The following NTRK2 variants were observed in gnomAD, a reference collection of about 807,000 sequenced individuals.
NTRK2 encodes the protein neurotrophic receptor tyrosine kinase 2.
A neutral mutation model predicts 94.5 loss-of-function variants in NTRK2; 13 were observed. The observed-to-expected ratio is 0.14, with a 90% CI of 0.09 to 0.22. The LOEUF is 0.22. Among genes scored for constraint, NTRK2 ranks in the 10% least tolerant of loss-of-function variants. The probability of loss-of-function intolerance (pLI) is 1.00; values close to 1 mark genes in which losing one functional copy is unlikely to be tolerated. For missense variants in NTRK2, 639 were observed against 1,071.2 expected (o/e 0.60, Z 5.63); for synonymous variants, 372 against 407.4 (o/e 0.91, Z 1.05).
At chr9:84,675,352 G>A (rs1205775972) in intron 2 of NTRK2, among the ~76,000 whole-genome samples, 1 of 30,434 alleles carries the variant, frequency 3.3e-5, no homozygotes. Context: ...TTTTTTTTTT[G>A]CCTTGAGTGT....
At chr9:84,995,797 G>A (rs533755038) in intron 17 of NTRK2, among the ~76,000 whole-genome samples, 1 of 152,300 alleles carries the variant, frequency 6.6e-6, no homozygotes, top group Admixed American at 6.5e-5. Context: ...CTCGAGGTCA[G>A]GTCCAAATTT....
chr9:84,865,778 C>T (rs1397136285), intron 13 of NTRK2, among the ~76,000 whole-genome samples: 1 of 152,188 alleles, frequency 6.6e-6, no homozygotes, highest in Non-Finnish European at 1.5e-5. Context: ...GGGCTTGTGC[C>T]AGTAGTCGGG....
chr9:84,900,066 C>G (rs894592543), intron 14 of NTRK2, among the ~76,000 whole-genome samples: 12 of 152,142 alleles, frequency 7.9e-5, no homozygotes, highest in African/African-American at 2.9e-4. Context: ...GTAAAAGGAA[C>G]ATGGCATAGG....
At chr9:84,685,831 A>G (rs2059677590) in intron 2 of NTRK2, among the ~76,000 whole-genome samples, 1 of 152,234 alleles carries the variant, frequency 6.6e-6, no homozygotes, top group Non-Finnish European at 1.5e-5. Context: ...CCTGTGTTTC[A>G]CATCGCAGCG....
At chr9:84,683,284 A>G (rs1221450706) in intron 2 of NTRK2, among the ~76,000 whole-genome samples, 1 of 152,040 alleles carries the variant, frequency 6.6e-6, no homozygotes, top group African/African-American at 2.4e-5. Context: ...TCAACCTGTC[A>G]TCTAGGCTTT....
chr9:84,747,761 A>G (rs2064222223), intron 11 of NTRK2, among the ~76,000 whole-genome samples: 1 of 152,126 alleles, frequency 6.6e-6, no homozygotes, highest in Admixed American at 6.5e-5. Flanking sequence ...GATTACAGGC[A>G]TGAGCCACCG....
chr9:84,950,433 A>G (rs541291961), intron 16 of NTRK2, among the ~76,000 whole-genome samples: 1 of 152,178 alleles, frequency 6.6e-6, no homozygotes, highest in Non-Finnish European at 1.5e-5. Context: ...AAGAGTAAGA[A>G]GTCCCAGTAG....
chr9:84,924,294 A>G (rs1248724852), intron 14 of NTRK2, among the ~76,000 whole-genome samples: 2 of 147,608 alleles, frequency 1.4e-5, no homozygotes, highest in African/African-American at 5.0e-5. Flanking sequence ...AAAGAAAGAA[A>G]GAGGAAAAAA....
chr9:84,871,040 T>C (rs1351496430), intron 14 of NTRK2, among the ~76,000 whole-genome samples: 6 of 152,204 alleles, frequency 3.9e-5, no homozygotes, highest in African/African-American at 7.2e-5. Flanking sequence ...TATAACACTC[T>C]TTTAATACTA....
At chr9:84,889,188 C>T (rs367813647) in intron 14 of NTRK2, among the ~76,000 whole-genome samples, 13 of 149,236 alleles carry the variant, frequency 8.7e-5, no homozygotes, top group African/African-American at 3.2e-4. Flanking sequence ...GACGGGGTTT[C>T]ACCGTGTTAG....
At chr9:84,820,327 G>A (rs998379063) in intron 12 of NTRK2, among the ~76,000 whole-genome samples, 14 of 151,808 alleles carry the variant, frequency 9.2e-5, no homozygotes, top group South Asian at 2.1e-4. Flanking sequence ...GCACCACCAC[G>A]CCTAGCTAAT....
chr9:84,846,896 A>G (rs2074501485), intron 12 of NTRK2, among the ~76,000 whole-genome samples: 1 of 152,230 alleles, frequency 6.6e-6, no homozygotes. Context: ...ATTTCTTCAT[A>G]GGCATGGGCT....
chr9:84,832,981 T>C (rs1328118321), intron 12 of NTRK2, among the ~76,000 whole-genome samples: 1 of 152,128 alleles, frequency 6.6e-6, no homozygotes, highest in Non-Finnish European at 1.5e-5. Flanking sequence ...AAGGCCGTGC[T>C]GGGCTGAGTG....
At chr9:84,944,294 G>C (rs921204728) in intron 15 of NTRK2, among the ~76,000 whole-genome samples, 1 of 128,724 alleles carries the variant, frequency 7.8e-6, no homozygotes, top group African/African-American at 3.0e-5. Context: ...ACGGAGTCTC[G>C]CTCTGTTGCC....
At chr9:84,673,052 G>C (rs1345854423) in intron 2 of NTRK2, among the ~76,000 whole-genome samples, 1 of 152,196 alleles carries the variant, frequency 6.6e-6, no homozygotes, top group Non-Finnish European at 1.5e-5. Flanking sequence ...GTTGAGAACA[G>C]GGAATTAGGT....
chr9:84,874,047 G>A, intron 14 of NTRK2: 1 of 1,064,070 alleles, frequency 9.4e-7, no homozygotes, highest in African/African-American at 1.6e-5. Context: ...GCAGATGGAG[G>A]ATCCTAATGT....
At chr9:84,712,338 G>A (rs1411120492) in intron 6 of NTRK2, among the ~76,000 whole-genome samples, 2 of 152,128 alleles carry the variant, frequency 1.3e-5, no homozygotes, top group South Asian at 2.1e-4. Flanking sequence ...GGACGTGTAG[G>A]GAGTGAACTG....
chr9:84,811,652 G>C, intron 12 of NTRK2: 1 of 1,065,274 alleles, frequency 9.4e-7, no homozygotes, highest in Non-Finnish European at 1.1e-6. Context: ...CTGTCATACT[G>C]CTGGGTTTTC....
chr9:84,893,991 G>A (rs1587849466), intron 14 of NTRK2, among the ~76,000 whole-genome samples: 1 of 152,144 alleles, frequency 6.6e-6, no homozygotes, highest in African/African-American at 2.4e-5. Context: ...CAAACCGAGT[G>A]TTGCAAGGAG....
Sources: allele counts gnomAD v4.1 joint callset (sites outside exome capture counted in the v4.1 genomes callset), GRCh38; gene constraint gnomAD v4.1.1; transcripts MANE v1.5; gene names NCBI Gene and HGNC (gene_info 2026-07-23, HGNC 2026-07-21).